Variants in CNTN5 observed in about 807,000 individuals in gnomAD.
CNTN5 encodes the protein contactin 5, also known as contactin-5.
CNTN5 carries 77 observed loss-of-function variants against 129.1 expected under a neutral mutation model. That is an observed-to-expected ratio of 0.60 (90% CI 0.50 to 0.72). CNTN5 has a LOEUF of 0.72. Among genes scored for constraint, CNTN5 ranks in the 30% least tolerant of loss-of-function variants. The pLI is 0.00. For synonymous variants in CNTN5, 509 were observed against 465.6 expected (o/e 1.09, Z -1.20); for missense variants, 1,478 against 1,328.8 (o/e 1.11, Z -1.75).
At position 100,121,875 on chromosome 11, in the gene CNTN5, T is replaced by C. The variant is rs548861416; in HGVS notation, c.1580+47581T>C. On this transcript the variant is annotated intron_variant, in intron 13 of 24. Transcript: ENST00000524871. ...AGCAGATTAAAAGTATTAAAAATGA[T>C]AGAGAATTACAATTTTAAAAAAAGA... Among the ~76,000 whole-genome samples, 16 of 151,940 alleles carry C rather than the reference T, an allele frequency of 1.1e-4. No homozygotes were observed. In the South Asian group the frequency reaches 3.1e-3, roughly 30 times the overall value.
At chr11:99,333,091 C>A (rs1474196810) in intron 2 of CNTN5, among the ~76,000 whole-genome samples, 1 of 151,926 alleles carries the variant, frequency 6.6e-6, no homozygotes, top group East Asian at 1.9e-4. Flanking sequence ...CACATTGTGG[C>A]ACAAGATCAG....
chr11:99,946,779 T>C (rs1298988152), intron 7 of CNTN5, among the ~76,000 whole-genome samples: 1 of 146,834 alleles, frequency 6.8e-6, no homozygotes, highest in African/African-American at 2.5e-5. Flanking sequence ...TTCTTTTTTA[T>C]GTGTTCTTTA....
chr11:99,749,269 G>T (rs1219962619), intron 3 of CNTN5, among the ~76,000 whole-genome samples: 1 of 151,614 alleles, frequency 6.6e-6, no homozygotes, highest in African/African-American at 2.4e-5. Flanking sequence ...GAGAGAGGGG[G>T]ATTAAAAAAA....
chr11:99,263,791 AT>A lies in CNTN5; in HGVS notation c.-209-61544del, dbSNP rs72228089. Among the ~76,000 whole-genome samples the A allele has an allele frequency of 4.6e-3, 675 of 147,590 alleles. 3 individuals carry two copies. The highest frequency in any genetic ancestry group is 0.015 in the African/African-American group (586 of 40,348). The stretch of plus-strand genomic sequence containing the variant: ...TGTGTGCCACCATGCCCAGCTATTA[AT>A]TTTTTTTTTTGTAGAGACAGGTTCT... On this transcript the variant is annotated intron_variant, in intron 1 of 24. Coordinates refer to ENST00000524871, the MANE Select transcript of CNTN5 (RefSeq NM_014361.4).
At chr11:99,787,261 G>C (rs2135417278) in intron 3 of CNTN5, among the ~76,000 whole-genome samples, 1 of 151,618 alleles carries the variant, frequency 6.6e-6, no homozygotes, top group South Asian at 2.1e-4. Flanking sequence ...ACTTTAGAAA[G>C]AGGAGAGAAT....
At chr11:99,706,474 T>C (rs1954760795) in intron 3 of CNTN5, among the ~76,000 whole-genome samples, 1 of 151,520 alleles carries the variant, frequency 6.6e-6, no homozygotes, top group Non-Finnish European at 1.5e-5. Context: ...GGCAGATATA[T>C]CAGCATTTGG....
intron 2 of CNTN5, among the ~76,000 whole-genome samples, chr11:99,450,633 C>G (rs894971481): frequency 2.6e-5 from 4 of 152,182 alleles, no homozygotes; most frequent in African/African-American, 9.7e-5. Context: ...CCTAACTAAA[C>G]CCAGTCCAGA....
chr11:100,356,184 G>A lies in CNTN5; in HGVS notation c.3267G>A (p.Leu1089=), dbSNP rs1285416808. 1.2e-6 allele frequency: 2 copies of A among 1,610,220 alleles called. No individual in the cohort carries two copies. Among genetic ancestry groups the A allele is most frequent in the Non-Finnish European group, 1.7e-6 (2 of 1,177,864 alleles). ...SLSTSSSSVT[L]LLALMIPSTS... ...CCACATCTTCGTCATCAGTCACCTT[G>A]CTCTTGGCATTGATGATTCCTTCAA... Residue 1089 remains leucine, a synonymous_variant, in exon 25 of 25, where the codon TTG becomes TTA. Coordinates refer to ENST00000524871, the MANE Select transcript of CNTN5 (RefSeq NM_014361.4).
intron 21 of CNTN5, among the ~76,000 whole-genome samples, chr11:100,314,828 G>A (rs775720628): frequency 1.1e-4 from 16 of 152,094 alleles, no homozygotes; most frequent in Non-Finnish European, 2.2e-4. Context: ...GCCTGACTCT[G>A]ATTCTGACCC....
At chr11:100,353,912 C>G (rs1276734454) in intron 24 of CNTN5, among the ~76,000 whole-genome samples, 1 of 151,486 alleles carries the variant, frequency 6.6e-6, no homozygotes, top group Non-Finnish European at 1.5e-5. Context: ...AACTACCCCC[C>G]CAAATCCCAT....
At chr11:99,903,076 A>G (rs1949401381) in intron 6 of CNTN5, among the ~76,000 whole-genome samples, 1 of 152,252 alleles carries the variant, frequency 6.6e-6, no homozygotes, top group Non-Finnish European at 1.5e-5. Flanking sequence ...AATCTATGTT[A>G]CTTGATTAAA....
intron 8 of CNTN5, among the ~76,000 whole-genome samples, chr11:99,969,888 C>T (rs147716087): frequency 2.0e-3 from 300 of 152,200 alleles, no homozygotes; most frequent in Admixed American, 4.3e-3. Context: ...TTTCAAAACT[C>T]CACTCCTCAC....
chr11:99,531,943 G>A (rs543630579), intron 2 of CNTN5, among the ~76,000 whole-genome samples: 1 of 152,230 alleles, frequency 6.6e-6, no homozygotes, highest in East Asian at 1.9e-4. Context: ...GAAATATGAG[G>A]TCGGAGAACC....
At chr11:99,324,583 T>G (rs1351027907) in intron 1 of CNTN5, among the ~76,000 whole-genome samples, 8 of 152,184 alleles carry the variant, frequency 5.3e-5, no homozygotes. Context: ...TACCAAAGAT[T>G]AAATTTAATG....
chr11:100,127,088 G>A lies in CNTN5; in HGVS notation c.1580+52794G>A, dbSNP rs531503259. On this transcript the variant is annotated intron_variant, in intron 13 of 24. Coordinates refer to ENST00000524871, the MANE Select transcript of CNTN5 (RefSeq NM_014361.4). The stretch of plus-strand genomic sequence containing the variant: ...GGATTACAGGTGCACACCACCATGC[G>A]CAGCTAATTTTTTTTTTTTTTTTTT... Among the ~76,000 whole-genome samples the A allele has an allele frequency of 7.3e-3, 1,060 of 144,620 alleles. 7 individuals are homozygous for A. The highest frequency in any genetic ancestry group is 8.5e-3 in the Non-Finnish European group (570 of 66,862). The allele number at this position is 144,620 out of a possible 152,430, so 94.9% of individuals were successfully genotyped here.
intron 4 of CNTN5, among the ~76,000 whole-genome samples, chr11:99,840,931 C>T (rs781490914): frequency 6.6e-6 from 1 of 152,072 alleles, no homozygotes; most frequent in Non-Finnish European, 1.5e-5. Flanking sequence ...AAATGTATCT[C>T]AGTATATCTA....
At chr11:99,390,021 T>C (rs1476662037) in intron 2 of CNTN5, among the ~76,000 whole-genome samples, 2 of 151,710 alleles carry the variant, frequency 1.3e-5, no homozygotes, top group Admixed American at 6.6e-5. Context: ...ATCTAATTAG[T>C]TCTAATGCAT....
At chr11:99,299,266 A>G (rs555246755) in intron 1 of CNTN5, among the ~76,000 whole-genome samples, 14 of 152,304 alleles carry the variant, frequency 9.2e-5, no homozygotes, top group African/African-American at 3.4e-4. Flanking sequence ...ATGTTCAAAG[A>G]ACTAAAAGAA....
chr11:99,315,741 C>T (rs770385922), intron 1 of CNTN5, among the ~76,000 whole-genome samples: 7 of 148,568 alleles, frequency 4.7e-5, no homozygotes, highest in Admixed American at 4.0e-4. Flanking sequence ...ATGTAAATCG[C>T]GGAGTGGGCC....
Sources: allele counts gnomAD v4.1 joint callset (sites outside exome capture counted in the v4.1 genomes callset), GRCh38; gene constraint gnomAD v4.1.1; transcripts MANE v1.5; gene names NCBI Gene and HGNC (gene_info 2026-07-23, HGNC 2026-07-21).